The following RBFOX1 variants were observed in gnomAD, a reference collection of about 807,000 sequenced individuals.
The protein encoded by RBFOX1 is RNA binding fox-1 homolog 1.
RBFOX1 carries 8 observed loss-of-function variants against 57.7 expected under a neutral mutation model. That is an observed-to-expected ratio of 0.14 (90% confidence interval 0.08 to 0.25). The LOEUF (loss-of-function observed/expected upper bound fraction) is 0.25. RBFOX1 is among the 10% of genes least tolerant of loss of function. The pLI, the probability that RBFOX1 is intolerant of heterozygous loss-of-function variation, is 1.00. For missense variants in RBFOX1, 611 were observed against 548.5 expected (o/e 1.11, Z -1.14); for synonymous variants, 326 against 222.4 (o/e 1.47, Z -4.15).
intron 2 of RBFOX1, among the ~76,000 whole-genome samples, chr16:6,581,387 G>C (rs2097535409): frequency 6.6e-6 from 1 of 152,156 alleles, no homozygotes; most frequent in Non-Finnish European, 1.5e-5. Context: ...CTTTTAGGGT[G>C]CTTTATTTTG....
rs1484357342 is a variant in RBFOX1, at chr16:7,029,222, ACACATATATATACGTATACG to A, written c.-15-22834_-15-22815del. Among the ~76,000 whole-genome samples the A allele has an allele frequency of 1.3e-3, 24 of 18,240 alleles. 1 individual carries two copies. The highest frequency in any genetic ancestry group is 2.5e-3 in the South Asian group (1 of 404). 12.0% of individuals were successfully genotyped at this position (18,240 alleles called of 152,430 possible). A position where few individuals can be genotyped will look rare whatever the true frequency, so the allele number is the denominator to read the frequency against. On this transcript the variant is annotated intron_variant, in intron 3 of 15. Coordinates refer to ENST00000550418, the MANE Select transcript of RBFOX1 (RefSeq NM_018723.4). ...TGTATACGTATACGTATATATATAC[ACACATATATATACGTATACG>A]TATATATATACACACATATATATAC...
chr16:5,502,626 C>G (rs1214022185), intron 2 of RBFOX1, among the ~76,000 whole-genome samples: 3 of 152,150 alleles, frequency 2.0e-5, no homozygotes, highest in African/African-American at 4.8e-5. Flanking sequence ...CAAGGCGCCT[C>G]CAGCCTCTGT....
intron 4 of RBFOX1, among the ~76,000 whole-genome samples, chr16:5,978,678 GTTT>G (rs796277829): frequency 7.3e-4 from 103 of 141,360 alleles, no homozygotes; most frequent in Admixed American, 7.2e-4. Flanking sequence ...TTTTTTGTTT[GTTT>G]TTTTTTTTGT....
intron 2 of RBFOX1, among the ~76,000 whole-genome samples, chr16:5,573,759 C>G (rs1228100868): frequency 1.3e-5 from 2 of 152,086 alleles, no homozygotes; most frequent in Non-Finnish European, 2.9e-5. Flanking sequence ...CCCACGAGTT[C>G]AAGACCAGCC....
intron 1 of RBFOX1, among the ~76,000 whole-genome samples, chr16:5,457,509 G>T (rs978800047): frequency 6.6e-6 from 1 of 152,102 alleles, no homozygotes; most frequent in Non-Finnish European, 1.5e-5. Context: ...ACCTCCCATT[G>T]GACCCACCTC....
chr16:5,310,844 A>G (rs971153097), intron 1 of RBFOX1, among the ~76,000 whole-genome samples: 1 of 152,202 alleles, frequency 6.6e-6, no homozygotes, highest in Non-Finnish European at 1.5e-5. Context: ...TTTCTTTAAA[A>G]TTTTTAAAAA....
At chr16:6,993,778 C>G (rs753773323) in intron 3 of RBFOX1, among the ~76,000 whole-genome samples, 1 of 152,134 alleles carries the variant, frequency 6.6e-6, no homozygotes, top group African/African-American at 2.4e-5. Flanking sequence ...ATAAATCTGC[C>G]ATCCTGGAGC....
At chr16:7,059,632 T>G (rs1315056589) in intron 4 of RBFOX1, among the ~76,000 whole-genome samples, 3 of 152,212 alleles carry the variant, frequency 2.0e-5, no homozygotes, top group African/African-American at 7.2e-5. Context: ...CTTACCTGAT[T>G]GACCTTCACT....
At position 5,253,637 on chromosome 16, in the gene RBFOX1, T is replaced by C. The variant is rs1463740455; in HGVS notation, c.219+13532T>C. On this transcript the variant is annotated intron_variant, in intron 1 of 2. Coordinates refer to the RBFOX1 transcript ENST00000585867. ...AATACCACCAATGAGCCTCATCCTG[T>C]GCTTTTAGGAGATAGTTTCTATTTA... Among the ~76,000 whole-genome samples, 4 of 152,218 alleles carry C rather than the reference T, an allele frequency of 2.6e-5. No individual in the cohort carries two copies. In the East Asian group the frequency reaches 7.7e-4, roughly 29 times the overall value.
chr16:7,577,369 G>A (rs931900177), intron 5 of RBFOX1, among the ~76,000 whole-genome samples: 1 of 152,120 alleles, frequency 6.6e-6, no homozygotes, highest in Non-Finnish European at 1.5e-5. Context: ...CATCTGACCA[G>A]TGGTGCTGGA....
At chr16:7,405,396 G>T (rs1005234021) in intron 4 of RBFOX1, among the ~76,000 whole-genome samples, 1 of 152,148 alleles carries the variant, frequency 6.6e-6, no homozygotes, top group Non-Finnish European at 1.5e-5. Context: ...TTTTTTCCCT[G>T]TTCCACCAGG....
Position 6,072,831 on chromosome 16 carries a change from A to C in RBFOX1, c.-127+52839A>C, listed in dbSNP as rs573035594. 1.8e-3 allele frequency among the ~76,000 whole-genome samples: 274 copies of C among 152,254 alleles called. 1 individual carries two copies. The highest frequency in any genetic ancestry group is 3.9e-3 in the South Asian group (19 of 4,818). The stretch of plus-strand genomic sequence containing the variant: ...TCTTAAACACCCTCTACCCCACTCC[A>C]CATGTCCAAATAAAGGGAAATTTTT... On this transcript the variant is annotated intron_variant, in intron 1 of 15. Coordinates refer to ENST00000550418, the MANE Select transcript of RBFOX1 (RefSeq NM_018723.4).
intron 1 of RBFOX1, among the ~76,000 whole-genome samples, chr16:5,346,522 G>A (rs1007822894): frequency 6.6e-6 from 1 of 152,172 alleles, no homozygotes; most frequent in African/African-American, 2.4e-5. Context: ...AAGAGCAAAA[G>A]GCTGGGTAAT....
intron 2 of RBFOX1, among the ~76,000 whole-genome samples, chr16:6,484,798 G>T (rs1034461556): frequency 2.6e-5 from 4 of 152,160 alleles, no homozygotes; most frequent in African/African-American, 9.7e-5. Flanking sequence ...GAAATTATTT[G>T]CTAAAAGAGT....
At chr16:7,471,359 A>T (rs2061523198) in intron 4 of RBFOX1, among the ~76,000 whole-genome samples, 1 of 152,150 alleles carries the variant, frequency 6.6e-6, no homozygotes, top group Non-Finnish European at 1.5e-5. Context: ...CTGCTGGGCT[A>T]ATTTTTTTTA....
In RBFOX1 at chr16:5,454,958, CCTTTCTTTCTTTCTTTCTTTCTTTCTTT is replaced by C. The variant is rs1169954657; in HGVS notation, c.220-12219_220-12192del. ...TCCTTCCTTCCTTCCTTCCTTCCTT[CCTTTCTTTCTTTCTTTCTTTCTTTCTTT>C]CTTTCTTTCTTTCTTTCTTTCTTTC... On this transcript the variant is annotated intron_variant, in intron 1 of 2. Coordinates refer to the RBFOX1 transcript ENST00000585867. Among the ~76,000 whole-genome samples, 7 of 30,420 alleles carry C rather than the reference CCTTTCTTTCTTTCTTTCTTTCTTTCTTT, an allele frequency of 2.3e-4. No individual in the cohort carries two copies. The South Asian group carries it at 3.6e-3, about 16-fold the overall frequency. The allele number at this position is 30,420 out of a possible 152,430, so 20.0% of individuals were successfully genotyped here.
At chr16:5,496,901 A>G in intron 2 of RBFOX1, among the ~76,000 whole-genome samples, 1 of 152,224 alleles carries the variant, frequency 6.6e-6, no homozygotes, top group South Asian at 2.1e-4. Context: ...GCCACCATTG[A>G]TTTTCCATGA....
In RBFOX1 at chr16:7,238,843, C is replaced by G. The variant is rs116606246; in HGVS notation, c.27+186745C>G. On this transcript the variant is annotated intron_variant, in intron 4 of 15. Coordinates refer to ENST00000550418, the MANE Select transcript of RBFOX1 (RefSeq NM_018723.4). ...GTGTGTGTTGTTCCCCTCTATGTGTCCACGTGTTTTTATCATTTAGCTCCC... is the reference window on the plus strand; with the variant it reads ...GTGTGTGTTGTTCCCCTCTATGTGTGCACGTGTTTTTATCATTTAGCTCCC... Among the ~76,000 whole-genome samples, 1,158 of 152,218 alleles carry G rather than the reference C, an allele frequency of 7.6e-3. 15 individuals are homozygous for G. The highest frequency in any genetic ancestry group is 0.026 in the African/African-American group (1,087 of 41,534).
intron 3 of RBFOX1, among the ~76,000 whole-genome samples, chr16:6,821,714 C>G (rs1449240589): frequency 2.6e-5 from 4 of 152,186 alleles, no homozygotes; most frequent in African/African-American, 9.7e-5. Flanking sequence ...TGTATCAGTG[C>G]TTCATCAATT....
Sources: gnomAD v4.1 joint callset for allele counts (sites outside exome capture counted in the v4.1 genomes callset) on GRCh38, gnomAD v4.1.1 for gene constraint, MANE v1.5 for transcripts, NCBI Gene and HGNC (gene_info 2026-07-23, HGNC 2026-07-21) for gene names.